FSHR: variants seen among roughly 807,000 people sequenced by gnomAD.
FSHR encodes the protein follicle stimulating hormone receptor.
A neutral mutation model predicts 52.1 loss-of-function variants in FSHR; 46 were observed. The ratio of observed to expected loss-of-function variants is 0.88; its 90% CI spans 0.70 to 1.13. The LOEUF (loss-of-function observed/expected upper bound fraction) is 1.13, where lower values mean the gene tolerates loss of function less well. Among genes scored for constraint, FSHR ranks in the 50% most tolerant of loss-of-function variants. FSHR has a pLI of 0.00. For synonymous variants in FSHR, 399 were observed against 309.6 expected, an observed-to-expected ratio of 1.29 and a Z score of -3.03; for missense variants, 964 against 834.6, an observed-to-expected ratio of 1.16 and a Z score of -1.91.
rs1456228897 is a variant in FSHR, at chr2:48,962,884, C to A, written c.1937G>T (p.Cys646Phe). The A allele has an allele frequency of 6.2e-7, 1 of 1,614,140 alleles. No individual in the cohort carries two copies. Among genetic ancestry groups the A allele is most frequent in the South Asian group, 1.1e-5 (1 of 91,078 alleles). The part of the protein sequence containing the change: ...DFFILLSKCG[C>F]YEMQAQIYRT... ...ATAAATTTGGGCTTGCATTTCATAG[C>A]AGCCACACTTGCTCAGCAGAATGAA... Residue 646 changes from cysteine to phenylalanine, a missense_variant, in exon 10 of 10, where the codon TGC becomes TTC. Cys to Phe is a radical substitution (Grantham distance 205, BLOSUM62 -2). Transcript: ENST00000406846.
Position 48,976,053 on chromosome 2 carries a change from T to G in FSHR, c.668+6859A>C, listed in dbSNP as rs187669093. 3.8e-3 allele frequency among the ~76,000 whole-genome samples: 577 copies of G among 152,342 alleles called. 4 individuals are homozygous for G. The highest frequency in any genetic ancestry group is 6.8e-3 in the Middle Eastern group (2 of 294). The stretch of plus-strand genomic sequence containing the variant: ...TAGGAGTGGTGAGAGAGGGCATCTT[T>G]GTCTTGTGCCAGTTTTCAAAGGAAA... On this transcript the variant is annotated intron_variant, in intron 8 of 9. Transcript: ENST00000406846.
intron 6 of FSHR, among the ~76,000 whole-genome samples, chr2:48,984,512 A>G (rs968895008): frequency 6.6e-5 from 10 of 152,250 alleles, no homozygotes; most frequent in Non-Finnish European, 8.8e-5. Flanking sequence ...AAAATATTAT[A>G]TAAGTACTTT....
chr2:49,031,840 T>A (rs1198380575), intron 2 of FSHR, among the ~76,000 whole-genome samples: 1 of 152,190 alleles, frequency 6.6e-6, no homozygotes, highest in African/African-American at 2.4e-5. Flanking sequence ...GAATTCTTTA[T>A]GAAATAGTTA....
chr2:49,123,132 T>C (rs1410609616), intron 1 of FSHR, among the ~76,000 whole-genome samples: 2 of 152,206 alleles, frequency 1.3e-5, no homozygotes, highest in Non-Finnish European at 2.9e-5. Flanking sequence ...GAGTCTATTT[T>C]CCCTATCAGG....
intron 4 of FSHR, among the ~76,000 whole-genome samples, chr2:48,995,308 T>A (rs1281709553): frequency 1.3e-5 from 2 of 152,068 alleles, no homozygotes; most frequent in East Asian, 3.9e-4. Flanking sequence ...TGCTACTGAT[T>A]GTGAATGCTT....
intron 8 of FSHR, among the ~76,000 whole-genome samples, chr2:48,979,252 C>T (rs1433889965): frequency 1.3e-5 from 2 of 152,044 alleles, no homozygotes; most frequent in Non-Finnish European, 2.9e-5. Flanking sequence ...TGAGATCAGC[C>T]TTGGCAACAT....
chr2:49,056,053 A>C (rs1469740242), intron 2 of FSHR, among the ~76,000 whole-genome samples: 1 of 152,084 alleles, frequency 6.6e-6, no homozygotes, highest in East Asian at 1.9e-4. Flanking sequence ...AATTGCAATA[A>C]TTAAAAATAA....
intron 2 of FSHR, among the ~76,000 whole-genome samples, chr2:49,043,998 T>A (rs1668570817): frequency 6.6e-6 from 1 of 152,218 alleles, no homozygotes; most frequent in South Asian, 2.1e-4. Context: ...ACCAAAGATC[T>A]GGACAGCAAC....
rs188850132 is a variant in FSHR, at chr2:49,138,190, T to C, written c.152+16076A>G. On this transcript the variant is annotated intron_variant, in intron 1 of 9. Transcript: ENST00000406846. ...AAATAGCACTTTATACTCAAGAGGA[T>C]TGCTGGAATCAAGAAGTCAGATATT... 7.9e-5 allele frequency among the ~76,000 whole-genome samples: 12 copies of C among 152,154 alleles called. No individual in the cohort carries two copies. In the East Asian group the frequency reaches 2.1e-3, roughly 27 times the overall value.
intron 2 of FSHR, among the ~76,000 whole-genome samples, chr2:49,052,289 T>C (rs980677667): frequency 1.3e-5 from 2 of 152,166 alleles, no homozygotes; most frequent in Non-Finnish European, 2.9e-5. Context: ...ACTCCCAGCT[T>C]CCTCTTTGAT....
intron 1 of FSHR, among the ~76,000 whole-genome samples, chr2:49,132,968 TAAAAAA>T (rs34913428): frequency 0.24 from 11,750 of 49,122 alleles, 705 homozygotes; most frequent in East Asian, 0.38. Context: ...TAAAACTCAG[TAAAAAA>T]AAAAAAAAAA....
chr2:49,150,379 A>G (rs950207486), intron 1 of FSHR, among the ~76,000 whole-genome samples: 1 of 152,118 alleles, frequency 6.6e-6, no homozygotes, highest in African/African-American at 2.4e-5. Flanking sequence ...AATCAGTCTC[A>G]TATCTCTTGA....
At chr2:48,968,665 A>C in intron 9 of FSHR, 33 bp downstream of exon 9, 1 of 1,610,880 alleles carries the variant, frequency 6.2e-7, no homozygotes, top group Non-Finnish European at 8.5e-7. Context: ...ACATTGGGGA[A>C]ATGCCTGAGC....
At chr2:48,992,120 C>G (rs1675810353) in intron 4 of FSHR, among the ~76,000 whole-genome samples, 1 of 151,766 alleles carries the variant, frequency 6.6e-6, no homozygotes, top group Non-Finnish European at 1.5e-5. Flanking sequence ...GTTAGTCTCC[C>G]TTTGCTTTTT....
At chr2:49,099,760 A>T (rs527863171) in intron 1 of FSHR, among the ~76,000 whole-genome samples, 3 of 152,292 alleles carry the variant, frequency 2.0e-5, no homozygotes, top group African/African-American at 7.2e-5. Flanking sequence ...ATTGCTGGCC[A>T]TCACCAGAAG....
intron 1 of FSHR, among the ~76,000 whole-genome samples, chr2:49,150,901 T>C (rs570227327): frequency 3.3e-5 from 5 of 152,070 alleles, no homozygotes; most frequent in East Asian, 1.9e-4. Flanking sequence ...AAGCTAAAAA[T>C]CTTTCTCACC....
intron 1 of FSHR, among the ~76,000 whole-genome samples, chr2:49,142,535 C>T (rs368673266): frequency 2.0e-5 from 3 of 152,190 alleles, no homozygotes; most frequent in African/African-American, 7.2e-5. Flanking sequence ...TTGCTCACTC[C>T]TGACTCTCTG....
chr2:49,069,306 C>T (rs554996466), intron 1 of FSHR, among the ~76,000 whole-genome samples: 1 of 152,254 alleles, frequency 6.6e-6, no homozygotes, highest in South Asian at 2.1e-4. Context: ...TTGCGGTTCT[C>T]TCTGTTTGGA....
intron 4 of FSHR, among the ~76,000 whole-genome samples, chr2:49,014,541 A>G (rs1023721007): frequency 1.3e-5 from 2 of 152,052 alleles, no homozygotes; most frequent in South Asian, 4.1e-4. Context: ...TACAAGTTCA[A>G]GTATCTCCCC....
Sources: allele counts gnomAD v4.1 joint callset (sites outside exome capture counted in the v4.1 genomes callset), GRCh38; gene constraint gnomAD v4.1.1; transcripts MANE v1.5; gene names NCBI Gene and HGNC (gene_info 2026-07-23, HGNC 2026-07-21).